The following PARD3 variants were observed in gnomAD, a reference collection of about 807,000 sequenced individuals.
The protein encoded by PARD3 is par-3 family cell polarity regulator.
PARD3 carries 75 observed loss-of-function variants against 155.4 expected under a neutral mutation model. That is an observed-to-expected ratio of 0.48 (90% CI 0.40 to 0.58). The LOEUF is 0.58. Ranked by LOEUF, PARD3 falls within the 20% of genes least tolerant of loss-of-function variation. The probability of loss-of-function intolerance (pLI) is 0.00; values close to 1 mark genes in which losing one functional copy is unlikely to be tolerated. For synonymous variants in PARD3, 576 were observed against 610.5 expected, an observed-to-expected ratio of 0.94 and a Z score of 0.83; for missense variants, 1,642 against 1,721.7, an observed-to-expected ratio of 0.95 and a Z score of 0.82.
intron 5 of PARD3, among the ~76,000 whole-genome samples, chr10:34,405,823 G>A (rs1844405623): frequency 6.6e-6 from 1 of 152,142 alleles, no homozygotes; most frequent in Admixed American, 6.6e-5. Context: ...AGAGGATCCA[G>A]GGACACTGGC....
At chr10:34,660,449 G>C (rs1209177269) in intron 2 of PARD3, among the ~76,000 whole-genome samples, 1 of 151,930 alleles carries the variant, frequency 6.6e-6, no homozygotes, top group Non-Finnish European at 1.5e-5. Context: ...TTAACACAGG[G>C]GTATTTTCAA....
rs3041198 is a variant in PARD3, at chr10:34,562,123, C to CAA, written c.223-44966_223-44965dup. ...CCTGGGTGACGGAGCCTGACTGTCT[C>CAA]AAAAAAAAAAAAAAAAAAAAAAAAA... On this transcript the variant is annotated intron_variant, in intron 2 of 24. Transcript: ENST00000374788. 7.5e-3 allele frequency among the ~76,000 whole-genome samples: 199 copies of CAA among 26,358 alleles called. 9 individuals carry two copies. The highest frequency in any genetic ancestry group is 0.016 in the African/African-American group (127 of 7,806). 17.3% of individuals were successfully genotyped at this position (26,358 alleles called of 152,430 possible). A position where few individuals can be genotyped will look rare whatever the true frequency, so the allele number is the denominator to read the frequency against.
intron 21 of PARD3, among the ~76,000 whole-genome samples, chr10:34,283,505 A>C (rs1589047923): frequency 6.6e-6 from 1 of 152,058 alleles, no homozygotes; most frequent in South Asian, 2.1e-4. Context: ...GCTTAGAGTA[A>C]CTCTTTTCAT....
chr10:34,712,511 TAGA>T (rs760780361), intron 1 of PARD3, among the ~76,000 whole-genome samples: 23 of 152,292 alleles, frequency 1.5e-4, no homozygotes, highest in Middle Eastern at 6.8e-3. Flanking sequence ...CTGTATTTTG[TAGA>T]AGAAGAGACT....
At chr10:34,414,082 C>T (rs1342280313) in intron 5 of PARD3, among the ~76,000 whole-genome samples, 2 of 152,028 alleles carry the variant, frequency 1.3e-5, no homozygotes, top group Non-Finnish European at 2.9e-5. Context: ...CCTATAGTCT[C>T]AGCGACTCAG....
intron 2 of PARD3, among the ~76,000 whole-genome samples, chr10:34,581,234 CTTTTT>C (rs779658592): frequency 5.9e-5 from 6 of 101,246 alleles, no homozygotes; most frequent in African/African-American, 2.1e-4. Flanking sequence ...TTTTTCTTTT[CTTTTT>C]TTTTTTTTTT....
chr10:34,128,766 T>C (rs569031104), intron 23 of PARD3, among the ~76,000 whole-genome samples: 1 of 152,298 alleles, frequency 6.6e-6, no homozygotes, highest in South Asian at 2.1e-4. Flanking sequence ...TGTAGAGTAA[T>C]ATATTGTGAG....
chr10:34,639,880 C>G (rs1440963471), intron 2 of PARD3, among the ~76,000 whole-genome samples: 1 of 151,914 alleles, frequency 6.6e-6, no homozygotes, highest in African/African-American at 2.4e-5. Flanking sequence ...ACACACCACA[C>G]ACACACAGTA....
chr10:34,666,766 AC>A (rs1194232142), intron 2 of PARD3, among the ~76,000 whole-genome samples: 2 of 57,902 alleles, frequency 3.5e-5, no homozygotes, highest in Non-Finnish European at 6.8e-5. Flanking sequence ...CACCTCACCT[AC>A]CCCTCCCCCT....
At chr10:34,537,434 A>T (rs998167379) in intron 2 of PARD3, among the ~76,000 whole-genome samples, 2 of 152,238 alleles carry the variant, frequency 1.3e-5, no homozygotes, top group African/African-American at 4.8e-5. Flanking sequence ...ACAGAAGGAA[A>T]TAAGAGCAGT....
chr10:34,509,801 C>T (rs1348266056), intron 3 of PARD3, among the ~76,000 whole-genome samples: 2 of 150,338 alleles, frequency 1.3e-5, no homozygotes, highest in Non-Finnish European at 3.0e-5. Flanking sequence ...GACAAAACAA[C>T]AAAAAAAAAG....
intron 22 of PARD3, among the ~76,000 whole-genome samples, chr10:34,153,983 C>T (rs2132984352): frequency 6.6e-6 from 1 of 152,270 alleles, no homozygotes; most frequent in African/African-American, 2.4e-5. Context: ...GAAGTGAGTA[C>T]CCTTTCTTAC....
intron 14 of PARD3, among the ~76,000 whole-genome samples, chr10:34,356,742 C>G (rs1838924253): frequency 6.6e-6 from 1 of 152,164 alleles, no homozygotes; most frequent in South Asian, 2.1e-4. Context: ...AGTACAACAG[C>G]TGAAAAATCA....
In PARD3 at chr10:34,290,028, T is replaced by A. The variant is rs1412328627; in HGVS notation, c.3066-5783A>T. 2.6e-5 allele frequency among the ~76,000 whole-genome samples: 4 copies of A among 152,158 alleles called. No homozygotes were observed. The East Asian group carries it at 7.7e-4, about 29-fold the overall frequency. On this transcript the variant is annotated intron_variant, in intron 20 of 24. Transcript: ENST00000374788. ...CTTGCTATTAAAACCATCATTTGGG[T>A]TTTCAGCAAAGCAACATAATTCTCT...
chr10:34,123,066 G>A (rs540037923), intron 23 of PARD3, among the ~76,000 whole-genome samples: 2 of 152,298 alleles, frequency 1.3e-5, no homozygotes, highest in South Asian at 4.1e-4. Flanking sequence ...CAGAGAACAA[G>A]GCGAAGCTCT....
intron 14 of PARD3, among the ~76,000 whole-genome samples, chr10:34,349,397 A>C (rs998283088): frequency 1.3e-5 from 2 of 152,064 alleles, no homozygotes; most frequent in African/African-American, 4.8e-5. Flanking sequence ...CTAGTGAATT[A>C]GACTCAATAA....
intron 1 of PARD3, among the ~76,000 whole-genome samples, chr10:34,800,485 C>T (rs992633072): frequency 1.3e-5 from 2 of 151,770 alleles, no homozygotes; most frequent in Non-Finnish European, 2.9e-5. Flanking sequence ...GTAGTGGGCA[C>T]CTGTAATCCC....
chr10:34,116,581 C>T (rs970424235), intron 24 of PARD3, among the ~76,000 whole-genome samples: 1 of 152,118 alleles, frequency 6.6e-6, no homozygotes, highest in African/African-American at 2.4e-5. Flanking sequence ...GGCATCAAGC[C>T]GAACGCAGGG....
At chr10:34,262,674 C>T (rs1317446456) in intron 22 of PARD3, among the ~76,000 whole-genome samples, 2 of 152,110 alleles carry the variant, frequency 1.3e-5, no homozygotes, top group Admixed American at 6.6e-5. Context: ...TTCAAGCTGC[C>T]CTATTTCCAT....
Sources: gnomAD v4.1 joint callset for allele counts (sites outside exome capture counted in the v4.1 genomes callset) on GRCh38, gnomAD v4.1.1 for gene constraint, MANE v1.5 for transcripts, NCBI Gene and HGNC (gene_info 2026-07-23, HGNC 2026-07-21) for gene names.